The following ZNF182 variants were observed in gnomAD, a reference collection of about 807,000 sequenced individuals.
The protein encoded by ZNF182 is zinc finger protein 182, also known as zinc finger protein 21 (KOX 14).
A neutral mutation model predicts 28.1 loss-of-function variants in ZNF182; 10 were observed. The ratio of observed to expected loss-of-function variants is 0.36; its 90% CI spans 0.22 to 0.60. ZNF182 has a LOEUF of 0.60. Among genes scored for constraint, ZNF182 ranks in the 20% least tolerant of loss-of-function variants. The probability of loss-of-function intolerance (pLI) is 0.75; values close to 1 mark genes in which losing one functional copy is unlikely to be tolerated. For missense variants in ZNF182, 352 were observed against 453.2 expected, an observed-to-expected ratio of 0.78 and a Z score of 2.03; for synonymous variants, 156 against 158.7, an observed-to-expected ratio of 0.98 and a Z score of 0.13.
chrX:47,977,473 G>A lies in ZNF182; in HGVS notation c.557C>T (p.Pro186Leu). ...TTTCCCACACTCTTTATAGCCATAG[G>A]GCTTCATTCCAGGATTTGTTTTCTC... ...EYEKTNPGMK[P>L]YGYKECGKGL... The change falls in exon 6 of 6, where the codon CCC (proline) becomes CTC (leucine). Residue 186 changes from proline to leucine, a missense_variant. Physicochemically the swap from Pro to Leu is moderately conservative, Grantham distance 98. Coordinates refer to ENST00000376943, the MANE Select transcript of ZNF182 (RefSeq NM_001007088.2). The A allele has an allele frequency of 8.3e-7, 1 of 1,211,424 alleles. No homozygotes were observed. The highest frequency in any genetic ancestry group is 1.1e-6 in the Non-Finnish European group (1 of 895,420).
In ZNF182 at chrX:47,977,292, G is replaced by T; in HGVS notation, c.738C>A (p.Thr246=). Reference sequence around the variant, plus strand: ...TTTGGCTAAAAGCTTTTCCACATTCGGTACATCCAAAAGGTTTCTCTCCCG... The same window carrying T: ...TTTGGCTAAAAGCTTTTCCACATTCTGTACATCCAAAAGGTTTCTCTCCCG... ...THTGEKPFGC[T]ECGKAFSQKS... Residue 246 remains threonine, a synonymous_variant, in exon 6 of 6, where the codon ACC becomes ACA. Coordinates refer to ENST00000376943, the MANE Select transcript of ZNF182 (RefSeq NM_001007088.2). 2 of 1,205,027 alleles carry T rather than the reference G, an allele frequency of 1.7e-6. No homozygotes were observed. The highest frequency in any genetic ancestry group is 1.1e-6 in the Non-Finnish European group (1 of 892,996).
intron 2 of ZNF182, among the ~76,000 whole-genome samples, chrX:48,003,222 G>A (rs1441204803): frequency 8.9e-6 from 1 of 112,056 alleles, no homozygotes; most frequent in African/African-American, 3.2e-5. Flanking sequence ...TGTTTAAAAG[G>A]CATACCCCTA....
chrX:47,983,333 G>C lies in ZNF182; in HGVS notation c.94C>G (p.Leu32Val). The C allele has an allele frequency of 8.3e-7, 1 of 1,211,356 alleles. No individual in the cohort carries two copies. Among genetic ancestry groups the C allele is most frequent in the Non-Finnish European group, 1.1e-6 (1 of 895,319 alleles). The change falls in exon 4 of 6, where the codon CTG becomes GTG. Residue 32 changes from leucine to valine, a missense_variant. By Grantham distance (32) the Leu-to-Val change is conservative. Transcript: ENST00000376943. ...GTCTCCAGCATCACGTCTCTGTACA[G>C]GGTCCTCTGTGGTGGGTTCAGGTAC... ...WQYLNPPQRT[L>V]YRDVMLETYS...
At chrX:47,998,854 CAAA>C (rs57757084) in intron 3 of ZNF182, among the ~76,000 whole-genome samples, 14 of 56,835 alleles carry the variant, frequency 2.5e-4, no homozygotes, top group Non-Finnish European at 2.1e-4. Flanking sequence ...GACTCCGTCT[CAAA>C]AAAAAAAAAA....
intron 5 of ZNF182, 41 bp from the exon 6 acceptor site, chrX:47,977,838 T>C (rs782516249): frequency 9.5e-7 from 1 of 1,054,238 alleles, no homozygotes; most frequent in South Asian, 2.5e-5. Flanking sequence ...GCTTTGACAT[T>C]ATGGAGCGGA....
In ZNF182 at chrX:47,977,684, G is replaced by A. The variant is rs782332224; in HGVS notation, c.346C>T (p.Arg116Cys). Residue 116 changes from arginine to cysteine, a missense_variant, in exon 6 of 6, where the codon CGT becomes TGT. Transcript: ENST00000376943. The part of the protein sequence containing the change: ...DKKTIITKSA[R>C]DCHEFGNILH... The stretch of plus-strand genomic sequence containing the variant: ...ATGTTTCCAAACTCATGACAGTCAC[G>A]AGCACTCTTGGTGATAATTGTTTTC... The A allele has an allele frequency of 6.6e-6, 8 of 1,210,459 alleles. No individual in the cohort carries two copies. Among genetic ancestry groups the A allele is most frequent in the Admixed American group, 2.2e-5 (1 of 45,901 alleles).
chrX:47,984,139 A>G (rs1229270841), intron 3 of ZNF182, among the ~76,000 whole-genome samples: 5 of 111,684 alleles, frequency 4.5e-5, no homozygotes, highest in Non-Finnish European at 7.5e-5. Flanking sequence ...TTCACTGAAA[A>G]GCAAAACCAA....
chrX:47,988,147 T>A (rs932042210), intron 3 of ZNF182, among the ~76,000 whole-genome samples: 1 of 110,453 alleles, frequency 9.1e-6, no homozygotes, highest in South Asian at 3.9e-4. Flanking sequence ...TGAAACCCCA[T>A]CTCTACTAAA....
chrX:47,980,989 C>T (rs782234541), intron 5 of ZNF182, among the ~76,000 whole-genome samples: 2 of 111,580 alleles, frequency 1.8e-5, no homozygotes, highest in Non-Finnish European at 3.8e-5. Context: ...CAAGCAACAG[C>T]CTCAAGAAGA....
rs1556898465 is a variant in ZNF182 at position 47,977,564 on chromosome X, T to G, written c.466A>C (p.Ser156Arg). 1 of 1,204,952 alleles carries G rather than the reference T, an allele frequency of 8.3e-7. No homozygotes were observed. The highest frequency in any genetic ancestry group is 2.2e-5 in the Admixed American group (1 of 44,921). Residue 156 changes from serine (S) to arginine (R), a missense_variant, in exon 6 of 6, where the codon AGT becomes CGT. Transcript: ENST00000376943. ...TATTTATTTTCTGCAGAACTTCTACTAAATAAGTCTAAATTATCTACCATA... is the reference window on the plus strand; with the variant it reads ...TATTTATTTTCTGCAGAACTTCTACGAAATAAGTCTAAATTATCTACCATA... ...NNMVDNLDLF[S>R]RSSAENKYDN...
chrX:47,982,587 A>G (rs1223255827), intron 5 of ZNF182, among the ~76,000 whole-genome samples: 1 of 112,128 alleles, frequency 8.9e-6, no homozygotes, highest in African/African-American at 3.2e-5. Context: ...CTGAAATTAG[A>G]GCATTAGAGT....
At position 47,977,187 on chromosome X, in the gene ZNF182, T is replaced by C. The variant is rs2058887979; in HGVS notation, c.843A>G (p.Arg281=). 1 of 1,206,437 alleles carries C rather than the reference T, an allele frequency of 8.3e-7. No individual in the cohort carries two copies. The highest frequency in any genetic ancestry group is 1.8e-5 in the South Asian group (1 of 55,917). Residue 281 remains arginine (R), a synonymous_variant, in exon 6 of 6, where the codon AGA becomes AGG. Transcript: ENST00000376943. The part of the protein sequence containing the change: ...FECPECGKAF[R]EKSTVIIHYR... Reference sequence around the variant, plus strand: ...AATGTATGATGACAGTTGACTTTTCTCTGAAGGCTTTTCCACATTCAGGAC... The same window carrying C: ...AATGTATGATGACAGTTGACTTTTCCCTGAAGGCTTTTCCACATTCAGGAC...
chrX:47,982,384 G>A (rs1556899230), intron 5 of ZNF182, among the ~76,000 whole-genome samples: 1 of 112,207 alleles, frequency 8.9e-6, no homozygotes, highest in Non-Finnish European at 1.9e-5. Flanking sequence ...CTAGAATTAG[G>A]TAGTGGTGAT....
intron 3 of ZNF182, among the ~76,000 whole-genome samples, chrX:47,989,426 CAA>C (rs34874899): frequency 3.4e-5 from 3 of 88,708 alleles, no homozygotes; most frequent in Non-Finnish European, 2.2e-5. Flanking sequence ...GACTTCGTCT[CAA>C]AAAAAAAAAA....
At chrX:47,990,563 G>T (rs2058938207) in intron 3 of ZNF182, among the ~76,000 whole-genome samples, 1 of 112,147 alleles carries the variant, frequency 8.9e-6, no homozygotes, top group African/African-American at 3.2e-5. Flanking sequence ...AAAAATTGGT[G>T]AATCTAGATG....
chrX:47,977,035 C>T lies in ZNF182; in HGVS notation c.995G>A (p.Cys332Tyr). ...AAGCTTCTGTATGAAAGATTCTCCA[C>T]ATTTAGTGCATTCATAGGTTTTCTC... is the stretch of plus-strand genomic sequence containing the variant. ...TGEKTYECTKCGESFIQKLDL... is the reference protein window; with the variant it reads ...TGEKTYECTKYGESFIQKLDL... The change falls in exon 6 of 6, where the codon TGT (cysteine) becomes TAT (tyrosine). Residue 332 changes from cysteine to tyrosine, a missense_variant. By Grantham distance (194) the Cys-to-Tyr change is radical. Transcript: ENST00000376943. 5 of 1,207,270 alleles carry T rather than the reference C, an allele frequency of 4.1e-6. No homozygotes were observed. In the East Asian group the frequency reaches 8.9e-5, roughly 21 times the overall value.
At chrX:48,001,446 C>T (rs782660704) in intron 3 of ZNF182, among the ~76,000 whole-genome samples, 6 of 112,100 alleles carry the variant, frequency 5.4e-5, no homozygotes, top group Non-Finnish European at 1.1e-4. Flanking sequence ...CAAAAGGTCA[C>T]ATACCATACG....
chrX:47,983,036 G>A lies in ZNF182; in HGVS notation c.145C>T (p.Gln49Ter). ...ETYSNLVFVG[Q>*]QVTKPNLILK... ...ATGAGGTTTGGTTTGGTAACCTGCT[G>A]CCCTGTTGATGAGAAATGACAGTGA... The change falls in exon 5 of 6, where the codon CAG becomes TAG. Residue 49 changes from glutamine (Q) to a stop codon, truncating the protein, a stop_gained and splice_region_variant. Coordinates refer to ENST00000376943, the MANE Select transcript of ZNF182 (RefSeq NM_001007088.2). LOFTEE classifies it high-confidence loss of function. The A allele has an allele frequency of 8.3e-7, 1 of 1,210,491 alleles. No homozygotes were observed. Among genetic ancestry groups the A allele is most frequent in the Non-Finnish European group, 1.1e-6 (1 of 894,633 alleles).
intron 1 of ZNF182, 71 bp downstream of exon 1, chrX:48,003,838 C>G (rs1440596923): frequency 1.8e-5 from 2 of 110,868 alleles, no homozygotes; most frequent in African/African-American, 6.6e-5. Context: ...CCCCAACTCC[C>G]ACTTCACTCA....
Sources: allele counts gnomAD v4.1 joint callset (sites outside exome capture counted in the v4.1 genomes callset), GRCh38; gene constraint gnomAD v4.1.1; transcripts MANE v1.5; gene names NCBI Gene and HGNC (gene_info 2026-07-23, HGNC 2026-07-21).